The following FLYWCH1 variants were observed in gnomAD, a reference collection of about 807,000 sequenced individuals.
The protein encoded by FLYWCH1 is FLYWCH-type zinc finger-containing protein 1.
Under a neutral mutation model 66.4 loss-of-function variants are expected in FLYWCH1, and 75 were observed. The ratio of observed to expected loss-of-function variants is 1.13; its 90% confidence interval spans 0.94 to 1.37. The LOEUF is 1.37. FLYWCH1 is among the 40% of genes most tolerant of loss of function. The pLI is 0.00. For missense variants in FLYWCH1, 1,334 were observed against 1,001.8 expected (o/e 1.33, Z -4.48); for synonymous variants, 595 against 429.9 (o/e 1.38, Z -4.75).
At chr16:2,939,439 A>G (rs527388203) in intron 8 of FLYWCH1, among the ~76,000 whole-genome samples, 1 of 144,990 alleles carries the variant, frequency 6.9e-6, no homozygotes, top group East Asian at 1.9e-4. Context: ...CTGGGCAACA[A>G]GAGTGAAACT....
rs1383114435 is a variant in FLYWCH1, at chr16:2,951,060, G to A, written c.*2333G>A. ...GCAGCAGCTCAGCGGGGCAGCTCCT[G>A]CTTCCAGCCCTGCCTCTGCTGGTGC... On this transcript the variant is annotated 3_prime_UTR_variant, in exon 10 of 10. Coordinates refer to ENST00000253928, the MANE Select transcript of FLYWCH1 (RefSeq NM_001308068.2). The A allele has an allele frequency of 6.6e-6, 1 of 152,334 alleles. No individual in the cohort carries two copies. The highest frequency in any genetic ancestry group is 1.5e-5 in the Non-Finnish European group (1 of 68,100). The allele number at this position is 152,334 out of a possible 1,614,324, so 9.4% of individuals were successfully genotyped here. A position where few individuals can be genotyped will look rare whatever the true frequency, so the allele number is the denominator to read the frequency against.
At chr16:2,936,182 A>G (rs1017838323) in intron 6 of FLYWCH1, 6 of 329,674 alleles carry the variant, frequency 1.8e-5, no homozygotes, top group Non-Finnish European at 3.6e-5. Flanking sequence ...AAGTGCTGGG[A>G]TTACAGGCGT....
In FLYWCH1 at chr16:2,933,305, T is replaced by C. The variant is rs1304077584; in HGVS notation, c.972T>C (p.Thr324=). ...SRAITQGQRV[T]VMRGHCHQPD... ...CCATCACCCAGGGACAGCGGGTGAC[T>C]GTGATGCGTGGGCACTGCCACCAGC... Residue 324 remains threonine (T), a synonymous_variant, in exon 5 of 10, where the codon ACT becomes ACC. Transcript: ENST00000253928. 1.2e-6 allele frequency: 2 copies of C among 1,611,352 alleles called. No homozygotes were observed. The highest frequency in any genetic ancestry group is 1.7e-6 in the Non-Finnish European group (2 of 1,179,236).
chr16:2,945,463 G>C (rs1457254499), intron 9 of FLYWCH1, among the ~76,000 whole-genome samples: 2 of 137,686 alleles, frequency 1.5e-5, no homozygotes, highest in East Asian at 2.2e-4. Flanking sequence ...TTCCAGCCTG[G>C]TGGCAGAGCG....
intron 2 of FLYWCH1, among the ~76,000 whole-genome samples, chr16:2,917,417 C>T (rs1402785522): frequency 5.3e-5 from 8 of 151,188 alleles, no homozygotes; most frequent in East Asian, 2.0e-4. Context: ...TTAGTAGAGA[C>T]GGGGTTTTGC....
chr16:2,925,709 C>A (rs960223091), intron 2 of FLYWCH1, among the ~76,000 whole-genome samples: 2 of 151,998 alleles, frequency 1.3e-5, no homozygotes, highest in Admixed American at 6.6e-5. Flanking sequence ...TGAGTAGGCC[C>A]AGAAGGACGG....
intron 2 of FLYWCH1, among the ~76,000 whole-genome samples, chr16:2,928,230 A>T (rs2070640934): frequency 6.6e-6 from 1 of 152,190 alleles, no homozygotes. Context: ...AGGGACGAGC[A>T]GGGGACAGAA....
intron 6 of FLYWCH1, chr16:2,934,682 G>A: frequency 2.2e-6 from 1 of 456,432 alleles, no homozygotes; most frequent in Admixed American, 2.4e-5. Flanking sequence ...GTTGCCTCAT[G>A]GCCCTAAAGT....
In FLYWCH1 at chr16:2,938,253, T is replaced by G. The variant is rs1420353671; in HGVS notation, c.1847T>G (p.Leu616Arg). The stretch of plus-strand genomic sequence containing the variant: ...AGGTTCCTGGTGCACGAGTCCTTCC[T>G]CTACAGGAAGGAGAAGGCGGCTGGG... ...GGRFLVHESF[L>R]YRKEKAAGEK... Residue 616 changes from leucine (L) to arginine (R), a missense_variant, in exon 8 of 10, where the codon CTC becomes CGC. Coordinates refer to ENST00000253928, the MANE Select transcript of FLYWCH1 (RefSeq NM_001308068.2). 6.2e-7 allele frequency: 1 copy of G among 1,613,124 alleles called. No individual in the cohort carries two copies. The highest frequency in any genetic ancestry group is 1.1e-5 in the South Asian group (1 of 91,052).
chr16:2,916,833 ATT>A, intron 2 of FLYWCH1, among the ~76,000 whole-genome samples: 1 of 151,790 alleles, frequency 6.6e-6, no homozygotes, highest in Admixed American at 6.6e-5. Flanking sequence ...AACTTGTTAA[ATT>A]GCTAATACTT....
At position 2,930,415 on chromosome 16, in the gene FLYWCH1, C is replaced by G. The variant is rs2070719053; in HGVS notation, c.331C>G (p.Pro111Ala). The G allele has an allele frequency of 1.4e-6, 2 of 1,456,802 alleles. No individual in the cohort carries two copies. Among genetic ancestry groups the G allele is most frequent in the Non-Finnish European group, 1.8e-6 (2 of 1,103,338 alleles). The allele number at this position is 1,456,802 out of a possible 1,614,324, so 90.2% of individuals were successfully genotyped here. A position where few individuals can be genotyped will look rare whatever the true frequency, so the allele number is the denominator to read the frequency against. The change falls in exon 4 of 10, where the codon CCT (proline) becomes GCT (alanine). Residue 111 changes from proline to alanine, a missense_variant. Coordinates refer to ENST00000253928, the MANE Select transcript of FLYWCH1 (RefSeq NM_001308068.2). ...TAGCCTTCCCGTTCCCCCAGCAGCCCCTCAGTCCCTGGAGTTCCTGAGGAC... is the reference window on the plus strand; with the variant it reads ...TAGCCTTCCCGTTCCCCCAGCAGCCGCTCAGTCCCTGGAGTTCCTGAGGAC... ...QKCSKLDAAA[P>A]QSLEFLRTPF... is the part of the protein sequence containing the mutation.
rs1015800766 is a variant in FLYWCH1, at chr16:2,949,609, T to G, written c.*882T>G. On this transcript the variant is annotated 3_prime_UTR_variant, in exon 10 of 10. Transcript: ENST00000253928. ...ATGACCCCACCGGGACTGCAGAGCC[T>G]CCTCCTTACTAACAAGGACCTGTCC... 9 of 151,954 alleles carry G rather than the reference T, an allele frequency of 5.9e-5. No individual in the cohort carries two copies. In the East Asian group the frequency reaches 7.7e-4, roughly 13 times the overall value. The allele number at this position is 151,954 out of a possible 1,614,324, so 9.4% of individuals were successfully genotyped here.
Position 2,922,870 on chromosome 16 carries a change from A to G in FLYWCH1, c.-73-6743A>G, listed in dbSNP as rs562330086. The G allele has an allele frequency of 1.7e-3, 876 of 524,350 alleles. 16 individuals are homozygous for G. Among genetic ancestry groups the G allele is most frequent in the South Asian group, 0.012 (842 of 72,416 alleles). The allele number at this position is 524,350 out of a possible 1,614,324, so 32.5% of individuals were successfully genotyped here. ...TGTTGTCTTCTGTCTTCTTCATGGC[A>G]GACTCAGTGGTCGGTGGAAAATTGA... On this transcript the variant is annotated intron_variant, in intron 2 of 9. Coordinates refer to ENST00000253928, the MANE Select transcript of FLYWCH1 (RefSeq NM_001308068.2).
At chr16:2,927,955 G>C (rs1031384072) in intron 2 of FLYWCH1, among the ~76,000 whole-genome samples, 1 of 152,210 alleles carries the variant, frequency 6.6e-6, no homozygotes, top group African/African-American at 2.4e-5. Flanking sequence ...AGTGTGGCAG[G>C]GCAACAGGGT....
At chr16:2,937,583 G>A (rs955814259) in intron 7 of FLYWCH1, among the ~76,000 whole-genome samples, 199 bp downstream of exon 7, 5 of 152,190 alleles carry the variant, frequency 3.3e-5, no homozygotes, top group Non-Finnish European at 2.9e-5. Flanking sequence ...GTGGGGACTG[G>A]CTGTCGGAGG....
chr16:2,948,696 A>G lies in FLYWCH1; in HGVS notation c.2120A>G (p.Lys707Arg), dbSNP rs751950163. Residue 707 changes from lysine to arginine, a missense_variant, in exon 10 of 10, where the codon AAA (lysine) becomes AGA (arginine). Coordinates refer to ENST00000253928, the MANE Select transcript of FLYWCH1 (RefSeq NM_001308068.2). ...TGTCTCTTTGTAATTAGGGACATCAAAGACGTCAGACTGGATGGCGAGTCC... is the reference window on the plus strand; with the variant it reads ...TGTCTCTTTGTAATTAGGGACATCAGAGACGTCAGACTGGATGGCGAGTCC... ...PESQQIYGDI[K>R]DVRLDGESQ 6.2e-7 allele frequency: 1 copy of G among 1,613,874 alleles called. No individual in the cohort carries two copies. Among genetic ancestry groups the G allele is most frequent in the Non-Finnish European group, 8.5e-7 (1 of 1,179,786 alleles).
chr16:2,925,610 T>A, intron 2 of FLYWCH1, among the ~76,000 whole-genome samples: 1 of 147,654 alleles, frequency 6.8e-6, no homozygotes. Context: ...CGCCCTAACC[T>A]TTTCCTGCCT....
chr16:2,917,026 C>T (rs539214756), intron 2 of FLYWCH1, among the ~76,000 whole-genome samples: 12 of 150,106 alleles, frequency 8.0e-5, no homozygotes, highest in African/African-American at 2.4e-4. Context: ...CGTGGTAGCG[C>T]GCACCTGTAA....
chr16:2,948,257 ATG>A (rs2071565031), intron 9 of FLYWCH1, among the ~76,000 whole-genome samples: 2 of 151,940 alleles, frequency 1.3e-5, no homozygotes, highest in African/African-American at 4.8e-5. Flanking sequence ...GGATGGATGG[ATG>A]TGTGTGTAAA....
Sources: gnomAD v4.1 joint callset for allele counts (sites outside exome capture counted in the v4.1 genomes callset) on GRCh38, gnomAD v4.1.1 for gene constraint, MANE v1.5 for transcripts, NCBI Gene and HGNC (gene_info 2026-07-23, HGNC 2026-07-21) for gene names.